The following MYO16 variants were observed in gnomAD, a reference collection of about 807,000 sequenced individuals.
MYO16 encodes the protein unconventional myosin-XVI.
Under a neutral mutation model 205.3 loss-of-function variants are expected in MYO16, and 94 were observed. The ratio of observed to expected loss-of-function variants is 0.46; its 90% CI spans 0.39 to 0.54. The LOEUF is 0.54. Ranked by LOEUF, MYO16 falls within the 20% of genes least tolerant of loss-of-function variation. MYO16 has a pLI of 0.00. For synonymous variants in MYO16, 988 were observed against 954.0 expected (o/e 1.04, Z -0.66); for missense variants, 2,315 against 2,387.5 (o/e 0.97, Z 0.63).
chr13:109,205,475 T>C (rs1195704872), intron 34 of MYO16, among the ~76,000 whole-genome samples: 1 of 152,224 alleles, frequency 6.6e-6, no homozygotes, highest in African/African-American at 2.4e-5. Context: ...AGGGTTGTGA[T>C]GAGATAGAAG....
chr13:108,555,003 A>C, the MYO16 span, among the ~76,000 whole-genome samples: 1 of 152,008 alleles, frequency 6.6e-6, no homozygotes, highest in Non-Finnish European at 1.5e-5. Flanking sequence ...TATTTATTCT[A>C]TTTTACCTGC....
At chr13:108,573,770 T>A in the MYO16 span, among the ~76,000 whole-genome samples, 1 of 152,220 alleles carries the variant, frequency 6.6e-6, no homozygotes, top group Admixed American at 6.5e-5. Flanking sequence ...TTTTTAAAAG[T>A]CAAACTAATA....
At chr13:109,068,958 G>C (rs1594055636) in intron 27 of MYO16, among the ~76,000 whole-genome samples, 1 of 152,052 alleles carries the variant, frequency 6.6e-6, no homozygotes, top group Admixed American at 6.6e-5. Flanking sequence ...TTACTTTATC[G>C]ATCTCCAGGC....
chr13:108,754,269 GACAAGCTGTAGCATGAAGA>G (rs1885349186), intron 4 of MYO16, among the ~76,000 whole-genome samples: 1 of 151,660 alleles, frequency 6.6e-6, no homozygotes, highest in African/African-American at 2.4e-5. Context: ...TAGCATGAAA[GACAAGCTGTAGCATGAAGA>G]ACAAGCTGTA....
chr13:109,052,362 G>A lies in MYO16; in HGVS notation c.2935G>A (p.Val979Ile), dbSNP rs573011173. ...QSKLSQTGSLVSAYPSFKFRG... is the reference protein window; with the variant it reads ...QSKLSQTGSLISAYPSFKFRG... ...GAAATTGTCACAAACAGGATCCCTC[G>A]TATCTGCCTATCCTTCCTTTAAATT... The change falls in exon 25 of 35, where the codon GTA becomes ATA. Residue 979 changes from valine to isoleucine, a missense_variant. Around this residue, in one of 3 missense-constraint regions of MYO16, gnomAD observed 1,213 missense variants for 1,274.4 expected, o/e 0.95. Coordinates refer to ENST00000457511, the MANE Select transcript of MYO16 (RefSeq NM_001198950.3). 22 of 1,612,930 alleles carry A rather than the reference G, an allele frequency of 1.4e-5. No individual in the cohort carries two copies. The highest frequency in any genetic ancestry group is 3.3e-4 in the Middle Eastern group (2 of 6,058).
chr13:108,634,909 C>T (rs1168797882), intron 1 of MYO16, among the ~76,000 whole-genome samples: 1 of 152,162 alleles, frequency 6.6e-6, no homozygotes, highest in Non-Finnish European at 1.5e-5. Flanking sequence ...GCCCAGATGT[C>T]CCCTTAGGCA....
intron 34 of MYO16, among the ~76,000 whole-genome samples, chr13:109,183,173 C>A (rs1310633366): frequency 1.3e-5 from 2 of 151,894 alleles, no homozygotes; most frequent in Non-Finnish European, 2.9e-5. Flanking sequence ...TGCTATTTGG[C>A]GTGATGCAAT....
chr13:109,014,190 G>C (rs1372086335), intron 22 of MYO16, among the ~76,000 whole-genome samples: 1 of 152,128 alleles, frequency 6.6e-6, no homozygotes, highest in African/African-American at 2.4e-5. Context: ...CATATGGCTA[G>C]CCAGTTTTCC....
At chr13:108,533,564 G>A in the MYO16 span, among the ~76,000 whole-genome samples, 3 of 152,296 alleles carry the variant, frequency 2.0e-5, no homozygotes, top group African/African-American at 7.2e-5. Context: ...AGTGCTCTTT[G>A]TGTGTATGCC....
chr13:108,734,919 C>T (rs1884640504), intron 4 of MYO16, among the ~76,000 whole-genome samples: 1 of 152,138 alleles, frequency 6.6e-6, no homozygotes, highest in African/African-American at 2.4e-5. Context: ...TAGTTTCTAG[C>T]CTCCTAGAAA....
intron 34 of MYO16, among the ~76,000 whole-genome samples, chr13:109,190,955 A>C (rs551879501): frequency 3.3e-5 from 5 of 152,242 alleles, no homozygotes; most frequent in African/African-American, 1.2e-4. Flanking sequence ...GCAGTGGCTC[A>C]TGTCTGTAAT....
the MYO16 span, among the ~76,000 whole-genome samples, chr13:108,568,158 G>A: frequency 6.6e-6 from 1 of 152,128 alleles, no homozygotes; most frequent in African/African-American, 2.4e-5. Flanking sequence ...AATGAATAAT[G>A]TTGTGAGCAT....
intron 1 of MYO16, among the ~76,000 whole-genome samples, chr13:108,599,660 T>TAA (rs35266734): frequency 2.6e-5 from 4 of 151,786 alleles, no homozygotes; most frequent in South Asian, 2.1e-4. Flanking sequence ...TCAAATGCAT[T>TAA]AAAAAAAATA....
chr13:109,149,631 G>A (rs1877540706), intron 32 of MYO16, among the ~76,000 whole-genome samples: 1 of 152,184 alleles, frequency 6.6e-6, no homozygotes. Flanking sequence ...ACATGTGGGA[G>A]GCGGACAGAT....
intron 22 of MYO16, among the ~76,000 whole-genome samples, chr13:109,009,395 A>G (rs941256813): frequency 1.3e-5 from 2 of 152,206 alleles, no homozygotes; most frequent in Non-Finnish European, 2.9e-5. Flanking sequence ...ACCATAAAAC[A>G]AGTTCAATGG....
At chr13:108,902,219 C>T (rs1447446412) in intron 15 of MYO16, among the ~76,000 whole-genome samples, 1 of 152,158 alleles carries the variant, frequency 6.6e-6, no homozygotes, top group African/African-American at 2.4e-5. Flanking sequence ...TCACGTCTGC[C>T]ACGCACTCTC....
chr13:108,872,946 G>A (rs1419369736), intron 12 of MYO16, among the ~76,000 whole-genome samples: 1 of 152,048 alleles, frequency 6.6e-6, no homozygotes, highest in Non-Finnish European at 1.5e-5. Context: ...TTGCCTACAG[G>A]TAACAACCCA....
intron 8 of MYO16, 54 bp from the exon 9 acceptor site, chr13:108,823,071 T>C: frequency 4.1e-6 from 6 of 1,476,876 alleles, no homozygotes; most frequent in Non-Finnish European, 4.6e-6. Flanking sequence ...TAAATAGATT[T>C]ATGTGCTATC....
intron 28 of MYO16, among the ~76,000 whole-genome samples, chr13:109,112,220 G>A (rs1475577892): frequency 6.6e-6 from 1 of 152,084 alleles, no homozygotes; most frequent in Non-Finnish European, 1.5e-5. Flanking sequence ...GGCTTTATAG[G>A]CAACATAAAA....
Sources: allele counts gnomAD v4.1 joint callset (sites outside exome capture counted in the v4.1 genomes callset), GRCh38; gene constraint gnomAD v4.1.1; regional missense constraint gnomAD v4.1.1; transcripts MANE v1.5; gene names NCBI Gene and HGNC (gene_info 2026-07-23, HGNC 2026-07-21).